GFI1B: variants seen among roughly 807,000 people sequenced by gnomAD.
GFI1B encodes zinc finger protein Gfi-1b.
In GFI1B, 20 loss-of-function variants were observed where a neutral mutation model predicts 35.3. The ratio of observed to expected loss-of-function variants is 0.57; its 90% CI spans 0.40 to 0.82. GFI1B has a LOEUF of 0.82. Ranked by LOEUF, GFI1B falls within the 40% of genes least tolerant of loss-of-function variation. The probability of loss-of-function intolerance (pLI) is 0.00; values close to 1 mark genes in which losing one functional copy is unlikely to be tolerated. For missense variants in GFI1B, 430 were observed against 446.3 expected (o/e 0.96, Z 0.33); for synonymous variants, 178 against 177.6 (o/e 1.00, Z -0.02).
In GFI1B at chr9:132,989,642, C is replaced by T. The variant is rs1588442333; in HGVS notation, c.649-100C>T. ...TGAGGGGTCCCCCGGTCCTGCTCCTCCAGGCCGCCCCAATGGAGTGTCCTG... is the reference window on the plus strand; with the variant it reads ...TGAGGGGTCCCCCGGTCCTGCTCCTTCAGGCCGCCCCAATGGAGTGTCCTG... On this transcript the variant is annotated intron_variant, in intron 5 of 6. Transcript: ENST00000372122. The surrounding 1 kb of genome is among the most constrained non-coding windows in gnomAD (Gnocchi z 6.2). 1.1e-6 allele frequency: 1 copy of T among 946,564 alleles called. No homozygotes were observed. Among genetic ancestry groups the T allele is most frequent in the Non-Finnish European group, 1.6e-6 (1 of 606,472 alleles). 58.6% of individuals were successfully genotyped at this position (946,564 alleles called of 1,614,324 possible). A position where few individuals can be genotyped will look rare whatever the true frequency, so the allele number is the denominator to read the frequency against.
chr9:132,979,957 C>A (rs1040947650), intron 1 of GFI1B, among the ~76,000 whole-genome samples: 3 of 152,178 alleles, frequency 2.0e-5, no homozygotes, highest in Non-Finnish European at 4.4e-5. Context: ...CGCCTGGACG[C>A]GCCTGCATGT....
intron 1 of GFI1B, among the ~76,000 whole-genome samples, chr9:132,967,285 G>A (rs992317013): frequency 2.0e-5 from 3 of 152,178 alleles, no homozygotes; most frequent in Admixed American, 6.5e-5. Context: ...CCAGTCTGTG[G>A]CATTCTGTTA....
At position 132,991,095 on chromosome 9, in the gene GFI1B, T is replaced by C. The variant is rs1382798095; in HGVS notation, c.*45T>C. 1.9e-6 allele frequency: 3 copies of C among 1,570,146 alleles called. No individual in the cohort carries two copies. The Admixed American group carries it at 5.0e-5, about 26-fold the overall frequency. The stretch of plus-strand genomic sequence containing the variant: ...TCCTGGCCAGCCTGCCCTGCGGTCC[T>C]GTCACCTGGAGGCCAGCCTCACATG... On this transcript the variant is annotated 3_prime_UTR_variant, in exon 7 of 7. Transcript: ENST00000372122.
intron 1 of GFI1B, among the ~76,000 whole-genome samples, chr9:132,960,953 C>T (rs187042677): frequency 3.0e-4 from 46 of 152,120 alleles, no homozygotes; most frequent in African/African-American, 1.0e-3. Context: ...TCATGGTCAC[C>T]GTGAGACCAT....
chr9:132,968,082 A>G (rs1046720454), intron 1 of GFI1B, among the ~76,000 whole-genome samples: 4 of 130,354 alleles, frequency 3.1e-5, no homozygotes, highest in Non-Finnish European at 6.5e-5. Flanking sequence ...GTGCCCAGCC[A>G]TTCTTTTATT....
intron 1 of GFI1B, among the ~76,000 whole-genome samples, chr9:132,960,922 C>A (rs1367699412): frequency 6.6e-6 from 1 of 151,998 alleles, no homozygotes; most frequent in Non-Finnish European, 1.5e-5. Context: ...CACTCCGCAG[C>A]GTGTTGGATG....
Position 132,989,713 on chromosome 9 carries a change from A to ACCCCCCGGGG in GFI1B, c.649-26_649-17dup. On this transcript the variant is annotated intron_variant, in intron 5 of 6. Coordinates refer to ENST00000372122, the MANE Select transcript of GFI1B (RefSeq NM_001377304.1). This position sits in a 1 kb window ranked among gnomAD's most constrained non-coding sequence, Gnocchi z 6.2. The stretch of plus-strand genomic sequence containing the variant: ...GGGTCCAGTCCTGAGCCTGCACCTG[A>ACCCCCCGGGG]CCCCCCGGGGCCTCATTTCCTCCGG... 1 of 1,604,742 alleles carries ACCCCCCGGGG rather than the reference A, an allele frequency of 6.2e-7. No homozygotes were observed. The highest frequency in any genetic ancestry group is 8.5e-7 in the Non-Finnish European group (1 of 1,173,008).
chr9:132,965,610 A>T (rs1403860876), intron 1 of GFI1B, among the ~76,000 whole-genome samples: 1 of 152,234 alleles, frequency 6.6e-6, no homozygotes, highest in Non-Finnish European at 1.5e-5. Context: ...AGCAGGACGG[A>T]CATAGACACG....
chr9:132,966,245 G>T (rs1467850823), intron 1 of GFI1B, among the ~76,000 whole-genome samples: 1 of 152,090 alleles, frequency 6.6e-6, no homozygotes, highest in Non-Finnish European at 1.5e-5. Context: ...TATAGTTCCA[G>T]CTCCTCAGGG....
intron 1 of GFI1B, among the ~76,000 whole-genome samples, chr9:132,985,503 C>T (rs1164012341): frequency 1.3e-5 from 2 of 152,112 alleles, no homozygotes; most frequent in Non-Finnish European, 2.9e-5. Context: ...GGTCTTGAGT[C>T]CCCACACCCC....
chr9:132,953,150 C>CCTTTCTTTTGT (rs1190932518), intron 1 of GFI1B: 2 of 152,012 alleles, frequency 1.3e-5, no homozygotes, highest in African/African-American at 2.4e-5. Context: ...GTTCTTTGTT[C>CCTTTCTTTTGT]CTTTCTTTTG....
intron 6 of GFI1B, among the ~76,000 whole-genome samples, chr9:132,990,611 G>T (rs941180871): frequency 1.1e-4 from 17 of 152,346 alleles, no homozygotes; most frequent in African/African-American, 4.1e-4. Context: ...GGTATACCAG[G>T]CTTGGAGATG....
upstream of GFI1B, among the ~76,000 whole-genome samples, chr9:132,975,362 C>T (rs1848610221): frequency 6.6e-6 from 1 of 152,200 alleles, no homozygotes; most frequent in African/African-American, 2.4e-5. Context: ...TGTCAGCTCC[C>T]TTCAGGGGAC....
upstream of GFI1B, chr9:132,975,180 T>C (rs1848602902): frequency 6.6e-6 from 1 of 152,336 alleles, no homozygotes; most frequent in Admixed American, 6.5e-5. Flanking sequence ...TATTGATCTC[T>C]GAAGCTGAGA....
At chr9:132,985,598 G>A (rs148689076) in intron 1 of GFI1B, among the ~76,000 whole-genome samples, 20 of 152,284 alleles carry the variant, frequency 1.3e-4, no homozygotes, top group Admixed American at 3.3e-4. Context: ...GTGCTCTGGC[G>A]GCTGTGGCTT....
chr9:132,954,567 T>A (rs1848252408), intron 1 of GFI1B, among the ~76,000 whole-genome samples: 1 of 143,658 alleles, frequency 7.0e-6, no homozygotes, highest in Non-Finnish European at 1.5e-5. Context: ...AGAGTAAGAC[T>A]CTGTCTCAAA....
rs953210108 is a variant in GFI1B, at chr9:132,989,305, C to T, written c.648+107C>T. ...TCCCTCCCCCTGCCCCTGGGGGTGA[C>T]ACAGATTGGGAGGGGTCCCCTAGTA... On this transcript the variant is annotated intron_variant, in intron 5 of 6. Coordinates refer to ENST00000372122, the MANE Select transcript of GFI1B (RefSeq NM_001377304.1). The surrounding 1 kb of genome is among the most constrained non-coding windows in gnomAD (Gnocchi z 6.2). The T allele has an allele frequency of 8.7e-6, 10 of 1,146,832 alleles. No homozygotes were observed. Among genetic ancestry groups the T allele is most frequent in the Middle Eastern group, 2.8e-4 (1 of 3,608 alleles). 71.0% of individuals were successfully genotyped at this position (1,146,832 alleles called of 1,614,324 possible). A position where few individuals can be genotyped will look rare whatever the true frequency, so the allele number is the denominator to read the frequency against.
chr9:132,990,460 T>C (rs185907430), intron 6 of GFI1B, among the ~76,000 whole-genome samples: 1 of 152,142 alleles, frequency 6.6e-6, no homozygotes, highest in African/African-American at 2.4e-5. Context: ...TTCACTCATT[T>C]GCTCATTTAT....
intron 1 of GFI1B, among the ~76,000 whole-genome samples, chr9:132,969,103 A>G (rs1450992784): frequency 6.6e-6 from 1 of 151,826 alleles, no homozygotes; most frequent in Non-Finnish European, 1.5e-5. Context: ...ATCTCGGCTC[A>G]CTGCAACCTC....
Sources: allele counts gnomAD v4.1 joint callset (sites outside exome capture counted in the v4.1 genomes callset), GRCh38; gene constraint gnomAD v4.1.1; non-coding constraint Gnocchi (gnomAD v3.1); transcripts MANE v1.5; gene names NCBI Gene and HGNC (gene_info 2026-07-23, HGNC 2026-07-21).